Variants in TFIP11 observed in about 807,000 individuals in gnomAD.
TFIP11 encodes tuftelin-interacting protein 11.
TFIP11 carries 86 observed loss-of-function variants against 96.8 expected under a neutral mutation model. The ratio of observed to expected loss-of-function variants is 0.89; its 90% CI spans 0.75 to 1.06. The LOEUF is 1.06. Among genes scored for constraint, TFIP11 ranks in the 50% least tolerant of loss-of-function variants. TFIP11 has a pLI of 0.00. For missense variants in TFIP11, 881 were observed against 1,076.7 expected (o/e 0.82, Z 2.54); for synonymous variants, 405 against 395.2 (o/e 1.02, Z -0.29).
chr22:26,492,123 A>T lies in TFIP11; in HGVS notation c.2404T>A (p.Tyr802Asn). ...IGKRHEGKQL[Y>N]TFGRIVIYID... ...TAGATCACAATGCGGCCAAAGGTGT[A>T]GAGCTGCTTCCCTTCGTGTCGCTTC... The change falls in exon 15 of 15, where the codon TAC becomes AAC. Residue 802 changes from tyrosine (Y) to asparagine (N), a missense_variant. Transcript: ENST00000407690. The T allele has an allele frequency of 6.2e-7, 1 of 1,614,194 alleles. No homozygotes were observed. The highest frequency in any genetic ancestry group is 8.5e-7 in the Non-Finnish European group (1 of 1,180,024).
intron 13 of TFIP11, 27 bp downstream of exon 13, chr22:26,494,770 C>G (rs199615748): frequency 6.2e-6 from 10 of 1,613,960 alleles, no homozygotes; most frequent in Middle Eastern, 1.6e-4. Context: ...TTCCCTCCCC[C>G]AGAAATCCAA....
chr22:26,511,206 A>G (rs758002509), intron 2 of TFIP11: 2 of 152,412 alleles, frequency 1.3e-5, no homozygotes, highest in Non-Finnish European at 2.9e-5. Flanking sequence ...CTTGAAGTCC[A>G]ATGTTCGAGG....
At chr22:26,495,870 CTG>C (rs944772473) in intron 12 of TFIP11, among the ~76,000 whole-genome samples, 1 of 152,084 alleles carries the variant, frequency 6.6e-6, no homozygotes, top group Non-Finnish European at 1.5e-5. Context: ...CTATTAGTGA[CTG>C]TTGTAAATAA....
intron 14 of TFIP11, chr22:26,493,685 TC>T (rs1268888494): frequency 4.7e-5 from 8 of 171,308 alleles, no homozygotes; most frequent in Non-Finnish European, 7.6e-5. Flanking sequence ...GAACTCACTC[TC>T]CCTTTTAGCC....
intron 13 of TFIP11, chr22:26,494,543 G>A: frequency 1.4e-6 from 1 of 698,274 alleles, no homozygotes; most frequent in Non-Finnish European, 2.4e-6. Flanking sequence ...ACACAACAGG[G>A]ATACCATATC....
At chr22:26,503,558 G>A (rs536317283) in intron 7 of TFIP11, 108 bp downstream of exon 7, 214 of 1,394,066 alleles carry the variant, frequency 1.5e-4, no homozygotes, top group Non-Finnish European at 2.0e-4. Flanking sequence ...CCTGGCATAC[G>A]GTACATGTAC....
chr22:26,505,961 G>A (rs1042939363), intron 6 of TFIP11: 6 of 169,216 alleles, frequency 3.5e-5, no homozygotes, highest in South Asian at 3.6e-4. Flanking sequence ...TCCACCACCC[G>A]CCTTGGCCTC....
intron 7 of TFIP11, 163 bp from the exon 8 acceptor site, chr22:26,502,215 T>G: frequency 1.3e-6 from 1 of 765,036 alleles, no homozygotes; most frequent in Non-Finnish European, 2.1e-6. Flanking sequence ...ACCAAAACTA[T>G]CTAATGATAC....
At chr22:26,493,862 A>T in intron 14 of TFIP11, 1 of 415,750 alleles carries the variant, frequency 2.4e-6, no homozygotes. Context: ...AGTGGTTAAG[A>T]GGGCGGGGCC....
chr22:26,492,302 T>A lies in TFIP11; in HGVS notation c.2225A>T (p.Asp742Val). Residue 742 changes from aspartate to valine, a missense_variant, in exon 15 of 15, where the codon GAC becomes GTC. Coordinates refer to ENST00000407690, the MANE Select transcript of TFIP11 (RefSeq NM_012143.4). ...AYLTHTERRK[D>V]FQYEAMQERR... is the part of the protein sequence containing the mutation. ...CTCCTGCATGGCCTCGTACTGGAAG[T>A]CCTTCCTCCGCTCCGTGTGGGTGAG... 1 of 1,614,196 alleles carries A rather than the reference T, an allele frequency of 6.2e-7. No homozygotes were observed. Among genetic ancestry groups the A allele is most frequent in the Non-Finnish European group, 8.5e-7 (1 of 1,180,040 alleles).
intron 10 of TFIP11, chr22:26,498,656 C>CT: frequency 2.1e-6 from 1 of 468,486 alleles, no homozygotes; most frequent in Non-Finnish European, 3.9e-6. Flanking sequence ...TAACCAAATA[C>CT]TACCTGTTCC....
chr22:26,511,053 T>C (rs1923989755), intron 2 of TFIP11: 1 of 152,234 alleles, frequency 6.6e-6, no homozygotes, highest in South Asian at 2.1e-4. Context: ...CAGGGTTCTC[T>C]AGAGCGACAT....
chr22:26,492,228 T>C lies in TFIP11; in HGVS notation c.2299A>G (p.Ser767Gly), dbSNP rs764932526. The change falls in exon 15 of 15, where the codon AGC becomes GGC. Residue 767 changes from serine to glycine, a missense_variant. Physicochemically the swap from Ser to Gly is moderately conservative, Grantham distance 56. Coordinates refer to ENST00000407690, the MANE Select transcript of TFIP11 (RefSeq NM_012143.4). Reference protein sequence around the residue: ...MAQRGIGVAASSVPMNFKDLI... With the variant: ...MAQRGIGVAAGSVPMNFKDLI... Reference sequence around the variant, plus strand: ...TCCTTAAAGTTCATGGGCACAGAGCTAGCGGCCACGCCAATGCCCCTCTGA... The same window carrying C: ...TCCTTAAAGTTCATGGGCACAGAGCCAGCGGCCACGCCAATGCCCCTCTGA... 1.2e-6 allele frequency: 2 copies of C among 1,614,226 alleles called. No individual in the cohort carries two copies. The highest frequency in any genetic ancestry group is 1.7e-6 in the Non-Finnish European group (2 of 1,180,036).
chr22:26,507,308 T>C (rs1290281558), intron 4 of TFIP11, among the ~76,000 whole-genome samples: 3 of 152,172 alleles, frequency 2.0e-5, no homozygotes, highest in Non-Finnish European at 4.4e-5. Context: ...GAAATTTTGA[T>C]GGAAAATCAT....
chr22:26,510,259 T>TG lies in TFIP11; in HGVS notation c.13dup (p.His5ProfsTer11), dbSNP rs1390452079. 7.4e-6 allele frequency: 12 copies of TG among 1,613,926 alleles called. No individual in the cohort carries two copies. Among genetic ancestry groups the TG allele is most frequent in the Non-Finnish European group, 8.5e-6 (10 of 1,180,012 alleles). Reference sequence around the variant, plus strand: ...GCGGCCTTCCCCATCCCGGTATAAGTGGGACAATGACATGGCCAGTCACTA... The same window carrying TG: ...GCGGCCTTCCCCATCCCGGTATAAGTGGGGACAATGACATGGCCAGTCACTA... On this transcript the variant is annotated frameshift_variant, in exon 4 of 15. Coordinates refer to ENST00000407690, the MANE Select transcript of TFIP11 (RefSeq NM_012143.4). LOFTEE classifies it high-confidence loss of function.
chr22:26,491,925 C>T lies in TFIP11; in HGVS notation c.*88G>A. On this transcript the variant is annotated 3_prime_UTR_variant, in exon 15 of 15. Transcript: ENST00000407690. The stretch of plus-strand genomic sequence containing the variant: ...AGTAGCTCCTGAGTAAAGAAGTTAC[C>T]CTTTTGAAGGTGATCTAAAAATACT... 1 of 1,319,788 alleles carries T rather than the reference C, an allele frequency of 7.6e-7. No individual in the cohort carries two copies. The highest frequency in any genetic ancestry group is 1.0e-6 in the Non-Finnish European group (1 of 961,956). The allele number at this position is 1,319,788 out of a possible 1,614,324, so 81.8% of individuals were successfully genotyped here.
At chr22:26,503,634 C>T (rs1390193412) in intron 7 of TFIP11, 32 bp downstream of exon 7, 1 of 1,612,180 alleles carries the variant, frequency 6.2e-7, no homozygotes, top group African/African-American at 1.3e-5. Context: ...GGACAGGACA[C>T]CATCCACCCA....
chr22:26,503,290 T>C (rs1465665257), intron 7 of TFIP11, among the ~76,000 whole-genome samples: 2 of 152,090 alleles, frequency 1.3e-5, no homozygotes, highest in Non-Finnish European at 2.9e-5. Flanking sequence ...GCTCAGAGCC[T>C]CTCAGTGTCC....
In TFIP11 at chr22:26,503,808, C is replaced by CAA. The variant is rs34491191; in HGVS notation, c.521-17_521-16dup. On this transcript the variant is annotated splice_polypyrimidine_tract_variant and intron_variant, in intron 6 of 14. Coordinates refer to ENST00000407690, the MANE Select transcript of TFIP11 (RefSeq NM_012143.4). ...GTTAATGATACCTGAGGAATTTCAG[C>CAA]AAAAAAAAAAGAGAGTCTTACGATC... The CAA allele has an allele frequency of 6.9e-6, 9 of 1,309,354 alleles. No homozygotes were observed. The highest frequency in any genetic ancestry group is 4.5e-5 in the Admixed American group (2 of 44,072). The allele number at this position is 1,309,354 out of a possible 1,614,324, so 81.1% of individuals were successfully genotyped here. A position where few individuals can be genotyped will look rare whatever the true frequency, so the allele number is the denominator to read the frequency against.
Sources: gnomAD v4.1 joint callset for allele counts (sites outside exome capture counted in the v4.1 genomes callset) on GRCh38, gnomAD v4.1.1 for gene constraint, MANE v1.5 for transcripts, NCBI Gene and HGNC (gene_info 2026-07-23, HGNC 2026-07-21) for gene names.